Variants in ADAM23 observed in about 807,000 individuals in gnomAD.
ADAM23 encodes disintegrin and metalloproteinase domain-containing protein 23.
Under a neutral mutation model 120.1 loss-of-function variants are expected in ADAM23, and 33 were observed. The observed-to-expected ratio is 0.27, with a 90% CI of 0.21 to 0.37. The LOEUF (loss-of-function observed/expected upper bound fraction) is 0.37, where lower values mean the gene tolerates loss of function less well. Among genes scored for constraint, ADAM23 ranks in the 10% least tolerant of loss-of-function variants. The pLI is 1.00. For synonymous variants in ADAM23, 367 were observed against 375.2 expected (o/e 0.98, Z 0.25); for missense variants, 862 against 1,058.2 (o/e 0.81, Z 2.57).
chr2:206,575,797 A>G (rs1698099586), intron 18 of ADAM23, among the ~76,000 whole-genome samples: 1 of 152,182 alleles, frequency 6.6e-6, no homozygotes, highest in South Asian at 2.1e-4. Flanking sequence ...AGGCTTGCTT[A>G]TAAAAGAATG....
chr2:206,539,911 A>G (rs1045975383), intron 4 of ADAM23, among the ~76,000 whole-genome samples: 7 of 152,210 alleles, frequency 4.6e-5, no homozygotes, highest in East Asian at 1.9e-4. Flanking sequence ...GAAGCTACCA[A>G]ATTGTTTATA....
At position 206,608,168 on chromosome 2, in the gene ADAM23, C is replaced by G. The variant is rs1265441485; in HGVS notation, c.2360-1742C>G. On this transcript the variant is annotated intron_variant, in intron 24 of 25. Coordinates refer to ENST00000264377, the MANE Select transcript of ADAM23 (RefSeq NM_003812.4). Reference sequence around the variant, plus strand: ...GTAAATAGTTTTAGCTTTCAGCCTACAGGGTTGTCTGTAACAACTTCTCAA... The same window carrying G: ...GTAAATAGTTTTAGCTTTCAGCCTAGAGGGTTGTCTGTAACAACTTCTCAA... Among the ~76,000 whole-genome samples, 3 of 152,188 alleles carry G rather than the reference C, an allele frequency of 2.0e-5. No homozygotes were observed. The East Asian group carries it at 5.8e-4, about 29-fold the overall frequency.
intron 3 of ADAM23, among the ~76,000 whole-genome samples, chr2:206,501,622 A>G (rs937105595): frequency 2.1e-5 from 3 of 145,650 alleles, no homozygotes; most frequent in African/African-American, 8.5e-5. Context: ...TTTTAAGCAC[A>G]TAAGAAGCTA....
intron 18 of ADAM23, among the ~76,000 whole-genome samples, chr2:206,584,746 A>G (rs1036648876): frequency 2.0e-5 from 3 of 152,116 alleles, no homozygotes; most frequent in African/African-American, 7.2e-5. Context: ...CCCCCAAGTT[A>G]TGGCCAGGAG....
chr2:206,605,096 A>T (rs1698705541), intron 24 of ADAM23, among the ~76,000 whole-genome samples: 1 of 152,224 alleles, frequency 6.6e-6, no homozygotes, highest in Non-Finnish European at 1.5e-5. Context: ...ACATAAAGTT[A>T]TTCAGATTCT....
intron 9 of ADAM23, among the ~76,000 whole-genome samples, chr2:206,554,070 T>C (rs1005997939): frequency 6.6e-6 from 1 of 152,234 alleles, no homozygotes; most frequent in Non-Finnish European, 1.5e-5. Context: ...CATATTTTTC[T>C]TTATATGCAA....
chr2:206,479,131 T>C (rs1015771328), intron 2 of ADAM23, among the ~76,000 whole-genome samples: 1 of 152,228 alleles, frequency 6.6e-6, no homozygotes, highest in Non-Finnish European at 1.5e-5. Context: ...AGCTCTTTGA[T>C]TAAATTCTAT....
Position 206,485,978 on chromosome 2 carries a change from G to A in ADAM23, c.509+4670G>A, listed in dbSNP as rs558732281. On this transcript the variant is annotated intron_variant, in intron 3 of 25. Coordinates refer to ENST00000264377, the MANE Select transcript of ADAM23 (RefSeq NM_003812.4). The stretch of plus-strand genomic sequence containing the variant: ...CAGCAAGACAGCCAGAGCTAAGGAG[G>A]ATGTGGGATGTTCAAGAAGGGCAGA... 4.6e-5 allele frequency among the ~76,000 whole-genome samples: 7 copies of A among 152,336 alleles called. No individual in the cohort carries two copies. The East Asian group carries it at 9.6e-4, about 21-fold the overall frequency.
At chr2:206,569,992 GC>G (rs1697963740) in intron 15 of ADAM23, among the ~76,000 whole-genome samples, 1 of 151,986 alleles carries the variant, frequency 6.6e-6, no homozygotes, top group Admixed American at 6.6e-5. Flanking sequence ...GAGAAATCCT[GC>G]CCCCCTCCCC....
At chr2:206,510,300 C>T (rs1052064775) in intron 3 of ADAM23, among the ~76,000 whole-genome samples, 1 of 152,050 alleles carries the variant, frequency 6.6e-6, no homozygotes, top group Non-Finnish European at 1.5e-5. Flanking sequence ...TTCTTTATAA[C>T]AAAACATATT....
At chr2:206,605,717 GATT>G (rs1698715894) in intron 24 of ADAM23, 1 of 696,988 alleles carries the variant, frequency 1.4e-6, no homozygotes, top group African/African-American at 1.8e-5. Flanking sequence ...GTCCTGAATA[GATT>G]ATTTTGTATG....
intron 19 of ADAM23, 146 bp downstream of exon 19, chr2:206,587,521 T>C (rs891197279): frequency 3.5e-6 from 2 of 566,804 alleles, no homozygotes; most frequent in African/African-American, 3.8e-5. Flanking sequence ...TAGAGTTGCT[T>C]CATGTTATGC....
At chr2:206,596,258 A>G (rs1698523486) in intron 24 of ADAM23, 96 bp downstream of exon 24, 3 of 848,414 alleles carry the variant, frequency 3.5e-6, no homozygotes, top group Non-Finnish European at 5.5e-6. Flanking sequence ...AAGAGGAGAC[A>G]CATAAGAATA....
At chr2:206,503,382 G>C (rs1056676972) in intron 3 of ADAM23, among the ~76,000 whole-genome samples, 1 of 152,138 alleles carries the variant, frequency 6.6e-6, no homozygotes, top group Non-Finnish European at 1.5e-5. Context: ...AGAAAAGGAT[G>C]AGGGAAAAAG....
intron 3 of ADAM23, among the ~76,000 whole-genome samples, chr2:206,502,046 A>G (rs1006173755): frequency 6.6e-6 from 1 of 152,158 alleles, no homozygotes; most frequent in African/African-American, 2.4e-5. Context: ...ATTGGGAAGA[A>G]TAATGTCAAA....
rs1574562696 is a variant in ADAM23, at chr2:206,605,643, A to G, written c.2360-4267A>G. ...TTATCCTCAAATATCTTCAATGTGT[A>G]TGTAGATCTTAATTTCAAATCTTAT... On this transcript the variant is annotated intron_variant, in intron 24 of 25. Transcript: ENST00000264377. The G allele has an allele frequency of 1.4e-4, 86 of 633,468 alleles. No homozygotes were observed. In the East Asian group the frequency reaches 2.3e-3, roughly 17 times the overall value. The allele number at this position is 633,468 out of a possible 1,614,324, so 39.2% of individuals were successfully genotyped here. A position where few individuals can be genotyped will look rare whatever the true frequency, so the allele number is the denominator to read the frequency against.
At chr2:206,454,234 T>C (rs1299082984) in intron 2 of ADAM23, among the ~76,000 whole-genome samples, 1 of 152,124 alleles carries the variant, frequency 6.6e-6, no homozygotes, top group East Asian at 1.9e-4. Context: ...ACTTAAAGTC[T>C]TGGTGGAAGG....
chr2:206,465,943 G>A (rs545887806), intron 2 of ADAM23, among the ~76,000 whole-genome samples: 1 of 152,284 alleles, frequency 6.6e-6, no homozygotes, highest in African/African-American at 2.4e-5. Flanking sequence ...TTAGTAGGAT[G>A]TGGGATATAT....
chr2:206,609,228 CA>C (rs775913393), intron 24 of ADAM23, among the ~76,000 whole-genome samples: 2 of 152,188 alleles, frequency 1.3e-5, no homozygotes, highest in African/African-American at 2.4e-5. Flanking sequence ...AAGCTATTCT[CA>C]GTTGAATCTA....
Sources: gnomAD v4.1 joint callset for allele counts (sites outside exome capture counted in the v4.1 genomes callset) on GRCh38, gnomAD v4.1.1 for gene constraint, MANE v1.5 for transcripts, NCBI Gene and HGNC (gene_info 2026-07-23, HGNC 2026-07-21) for gene names.